The following CASK variants were observed in gnomAD, a reference collection of about 807,000 sequenced individuals.
CASK encodes the protein calcium/calmodulin dependent serine protein kinase, also known as peripheral plasma membrane protein CASK.
CASK carries 4 observed loss-of-function variants against 82.9 expected under a neutral mutation model. The ratio of observed to expected loss-of-function variants is 0.05; its 90% CI spans 0.02 to 0.11. The LOEUF (loss-of-function observed/expected upper bound fraction) is 0.11, where lower values mean the gene tolerates loss of function less well. CASK is among the 10% of genes least tolerant of loss of function. The pLI is 1.00. For synonymous variants in CASK, 259 were observed against 253.5 expected, an observed-to-expected ratio of 1.02 and a Z score of -0.20; for missense variants, 358 against 720.9, an observed-to-expected ratio of 0.50 and a Z score of 5.76.
chrX:41,571,472 T>C (rs904857590), intron 15 of CASK, among the ~76,000 whole-genome samples: 2 of 112,075 alleles, frequency 1.8e-5, no homozygotes, highest in Non-Finnish European at 3.8e-5. Flanking sequence ...TTTATCATCC[T>C]TTTTATATCT....
At chrX:41,621,194 C>T (rs1030634044) in intron 11 of CASK, among the ~76,000 whole-genome samples, 7 of 110,678 alleles carry the variant, frequency 6.3e-5, no homozygotes, top group South Asian at 7.7e-4. Flanking sequence ...TTAATTTGTA[C>T]GTGGTGGGCA....
At chrX:41,836,287 A>C (rs1168870434) in intron 2 of CASK, among the ~76,000 whole-genome samples, 1 of 112,439 alleles carries the variant, frequency 8.9e-6, no homozygotes, top group Non-Finnish European at 1.9e-5. Context: ...TTAAATGACT[A>C]TTATGATCAG....
At chrX:41,716,937 T>C (rs988350398) in intron 5 of CASK, among the ~76,000 whole-genome samples, 1 of 111,666 alleles carries the variant, frequency 9.0e-6, no homozygotes, top group African/African-American at 3.3e-5. Flanking sequence ...TTGTTCTTCA[T>C]GTCTCCTTGC....
intron 2 of CASK, among the ~76,000 whole-genome samples, chrX:41,820,874 A>G (rs1273285735): frequency 9.0e-6 from 1 of 111,509 alleles, no homozygotes; most frequent in Non-Finnish European, 1.9e-5. Flanking sequence ...GGTTATTTCA[A>G]CAAATAGTGC....
At chrX:41,633,559 G>A (rs1279842652) in intron 9 of CASK, among the ~76,000 whole-genome samples, 1 of 109,148 alleles carries the variant, frequency 9.2e-6, no homozygotes, top group African/African-American at 3.3e-5. Flanking sequence ...TCAGAACGAT[G>A]TAGTTTATTA....
intron 3 of CASK, among the ~76,000 whole-genome samples, chrX:41,759,920 C>T (rs192581929): frequency 8.3e-4 from 92 of 111,394 alleles, no homozygotes; most frequent in African/African-American, 2.8e-3. Flanking sequence ...CCTATATTTA[C>T]CTCTTTTTTC....
At chrX:41,829,439 T>C (rs1243661494) in intron 2 of CASK, among the ~76,000 whole-genome samples, 1 of 107,259 alleles carries the variant, frequency 9.3e-6, no homozygotes, top group Non-Finnish European at 1.9e-5. Context: ...TTCATCTGTG[T>C]TTTTTGTGTA....
chrX:41,602,690 T>G (rs1372953357), intron 12 of CASK, among the ~76,000 whole-genome samples: 9 of 109,365 alleles, frequency 8.2e-5, no homozygotes, highest in African/African-American at 3.0e-4. Context: ...TTTCTATTGC[T>G]GCTTAACAAA....
chrX:41,841,447 A>C (rs1366070687), intron 2 of CASK, among the ~76,000 whole-genome samples: 2 of 109,595 alleles, frequency 1.8e-5, no homozygotes, highest in African/African-American at 6.6e-5. Context: ...CTGAGATACT[A>C]GATTATCAAA....
At chrX:41,911,894 T>A (rs1040311983) in intron 1 of CASK, among the ~76,000 whole-genome samples, 1 of 111,410 alleles carries the variant, frequency 9.0e-6, no homozygotes, top group African/African-American at 3.3e-5. Context: ...TAACTTTTTT[T>A]ATTATACTTT....
chrX:41,619,954 T>C (rs1189658068), intron 11 of CASK, among the ~76,000 whole-genome samples: 1 of 112,411 alleles, frequency 8.9e-6, no homozygotes, highest in African/African-American at 3.2e-5. Context: ...TGGCCAGCAT[T>C]AGTACACTTC....
At chrX:41,915,672 T>C (rs759043924) in intron 1 of CASK, among the ~76,000 whole-genome samples, 10 of 110,221 alleles carry the variant, frequency 9.1e-5, no homozygotes, top group African/African-American at 1.3e-4. Flanking sequence ...GAGACCAGCC[T>C]GGTGAAACCC....
chrX:41,563,061 A>G lies in CASK; in HGVS notation c.1583-1417T>C, dbSNP rs1253700662. Among the ~76,000 whole-genome samples the G allele has an allele frequency of 2.2e-3, 221 of 102,668 alleles. 1 individual carries two copies. The highest frequency in any genetic ancestry group is 7.6e-3 in the African/African-American group (213 of 28,162). The allele number at this position is 102,668 out of a possible 115,157, so 89.2% of individuals were successfully genotyped here. Reference sequence around the variant, plus strand: ...ATCTCAAAAAAAAAAAAAAAAAAAAAAAAAGAAAAGAAAAGAAGGCTGGGC... The same window carrying G: ...ATCTCAAAAAAAAAAAAAAAAAAAAGAAAAGAAAAGAAAAGAAGGCTGGGC... On this transcript the variant is annotated intron_variant, in intron 16 of 26. Transcript: ENST00000378163.
chrX:41,583,594 G>A (rs2065613595), intron 14 of CASK, among the ~76,000 whole-genome samples: 1 of 108,319 alleles, frequency 9.2e-6, no homozygotes, highest in South Asian at 4.0e-4. Flanking sequence ...GTGCTACCAC[G>A]CCAGGCTATT....
intron 12 of CASK, among the ~76,000 whole-genome samples, chrX:41,595,643 A>G: frequency 9.0e-6 from 1 of 111,664 alleles, no homozygotes; most frequent in Middle Eastern, 4.6e-3. Flanking sequence ...TTAGATGTCA[A>G]CATGATTCAA....
chrX:41,629,279 T>G (rs2066427723), intron 9 of CASK, among the ~76,000 whole-genome samples: 1 of 111,954 alleles, frequency 8.9e-6, no homozygotes, highest in African/African-American at 3.2e-5. Flanking sequence ...GTGCCCCACC[T>G]AATATTTAGT....
At position 41,715,242 on chromosome X, in the gene CASK, A is replaced by T. The variant is rs999187949; in HGVS notation, c.429+24142T>A. Among the ~76,000 whole-genome samples, 4 of 112,353 alleles carry T rather than the reference A, an allele frequency of 3.6e-5. No homozygotes were observed. In the Admixed American group the frequency reaches 3.7e-4, roughly 11 times the overall value. ...AGGGCAGTGGAAACCTGGCCTATTT[A>T]TTAAAGGGATGCCCATATGGAGAAT... is the stretch of plus-strand genomic sequence containing the variant. On this transcript the variant is annotated intron_variant, in intron 5 of 26. Coordinates refer to ENST00000378163, the MANE Select transcript of CASK (RefSeq NM_001367721.1).
intron 22 of CASK, among the ~76,000 whole-genome samples, chrX:41,536,870 G>A: frequency 8.9e-6 from 1 of 111,792 alleles, no homozygotes; most frequent in East Asian, 2.8e-4. Flanking sequence ...AAAAATAAAA[G>A]CAGGAGTGCT....
chrX:41,559,336 T>C (rs1460590776), intron 18 of CASK: 1 of 127,938 alleles, frequency 7.8e-6, no homozygotes, highest in African/African-American at 3.2e-5. Context: ...TAGAGACCTG[T>C]CACAATTGTA....
Sources: allele counts gnomAD v4.1 joint callset (sites outside exome capture counted in the v4.1 genomes callset), GRCh38; gene constraint gnomAD v4.1.1; transcripts MANE v1.5; gene names NCBI Gene and HGNC (gene_info 2026-07-23, HGNC 2026-07-21).